The following OPA1 variants were observed in gnomAD, a reference collection of about 807,000 sequenced individuals.
OPA1 encodes the protein dynamin-like GTPase OPA1, mitochondrial.
A neutral mutation model predicts 152.9 loss-of-function variants in OPA1; 59 were observed. That is an observed-to-expected ratio of 0.39 (90% confidence interval 0.31 to 0.48). The LOEUF (loss-of-function observed/expected upper bound fraction) is 0.48. Ranked by LOEUF, OPA1 falls within the 20% of genes least tolerant of loss-of-function variation. The probability of loss-of-function intolerance (pLI) is 0.96; values close to 1 mark genes in which losing one functional copy is unlikely to be tolerated. For synonymous variants in OPA1, 400 were observed against 389.9 expected, an observed-to-expected ratio of 1.03 and a Z score of -0.31; for missense variants, 1,008 against 1,216.8, an observed-to-expected ratio of 0.83 and a Z score of 2.55.
chr3:193,661,858 A>C lies in OPA1; in HGVS notation c.2521-964A>C, dbSNP rs541864542. Among the ~76,000 whole-genome samples the C allele has an allele frequency of 8.5e-5, 13 of 152,346 alleles. No homozygotes were observed. In the South Asian group the frequency reaches 2.7e-3, roughly 32 times the overall value. ...ATCTCAGACTGAATAGTACATGTTT[A>C]AGCAAACAGTGAACTTTCTCTTTAT... On this transcript the variant is annotated intron_variant, in intron 25 of 30. Coordinates refer to ENST00000361510, the MANE Select transcript of OPA1 (RefSeq NM_130837.3).
intron 11 of OPA1, among the ~76,000 whole-genome samples, chr3:193,638,474 GA>G (rs1441915259): frequency 6.6e-6 from 1 of 152,090 alleles, no homozygotes; most frequent in Non-Finnish European, 1.5e-5. Context: ...TTCCTGTTTA[GA>G]AAAAAAGTGC....
intron 21 of OPA1, among the ~76,000 whole-genome samples, chr3:193,649,161 A>G (rs1711779460): frequency 6.6e-6 from 1 of 152,130 alleles, no homozygotes; most frequent in Admixed American, 6.6e-5. Context: ...TTGTCAAATT[A>G]TACTTTAGGT....
At chr3:193,670,491 C>T (rs1717678461) in intron 29 of OPA1, among the ~76,000 whole-genome samples, 1 of 151,830 alleles carries the variant, frequency 6.6e-6, no homozygotes, top group South Asian at 2.1e-4. Context: ...CTCTGCCTCC[C>T]GAGTAGCTGG....
At chr3:193,621,209 A>G (rs1437630271) in intron 6 of OPA1, among the ~76,000 whole-genome samples, 1 of 152,258 alleles carries the variant, frequency 6.6e-6, no homozygotes, top group Non-Finnish European at 1.5e-5. Flanking sequence ...CATTTCTACA[A>G]CTAGAACTAA....
At chr3:193,656,467 A>T (rs1049527357) in intron 22 of OPA1, among the ~76,000 whole-genome samples, 1 of 152,192 alleles carries the variant, frequency 6.6e-6, no homozygotes, top group African/African-American at 2.4e-5. Context: ...CGTTCAGATC[A>T]TTAGGAGTTA....
intron 29 of OPA1, among the ~76,000 whole-genome samples, chr3:193,684,701 T>A (rs1188461005): frequency 6.6e-6 from 1 of 152,068 alleles, no homozygotes; most frequent in Non-Finnish European, 1.5e-5. Context: ...TCCACCCGCC[T>A]CGGCCTCCCA....
chr3:193,645,044 G>A (rs1047238966), intron 16 of OPA1, among the ~76,000 whole-genome samples: 3 of 151,378 alleles, frequency 2.0e-5, no homozygotes, highest in African/African-American at 7.3e-5. Flanking sequence ...TCCTAAAAGA[G>A]TTGAGAAGCA....
In OPA1 at chr3:193,643,995, C is replaced by T. The variant is rs886043340; in HGVS notation, c.1498C>T (p.Arg500Cys). 3.7e-6 allele frequency: 6 copies of T among 1,613,352 alleles called. No individual in the cohort carries two copies. Among genetic ancestry groups the T allele is most frequent in the Non-Finnish European group, 5.1e-6 (6 of 1,179,718 alleles). ...TTCAGATGGATCTGTGGATGCTGAA[C>T]GCAGTATTGTTACAGACTTGGTCAG... The part of the protein sequence containing the change: ...CIQDGSVDAE[R>C]SIVTDLVSQM... Residue 500 changes from arginine (R) to cysteine (C), a missense_variant, in exon 16 of 31, where the codon CGC (arginine) becomes TGC (cysteine). Arg to Cys is a radical substitution (Grantham distance 180). This residue lies in a region of OPA1 where 213 missense variants were observed against 291.4 expected (regional missense o/e 0.73). Coordinates refer to ENST00000361510, the MANE Select transcript of OPA1 (RefSeq NM_130837.3).
chr3:193,646,799 ATTAAAT>A (rs1273407539), intron 18 of OPA1, among the ~76,000 whole-genome samples: 1 of 152,142 alleles, frequency 6.6e-6, no homozygotes, highest in Non-Finnish European at 1.5e-5. Context: ...AAAATATAAC[ATTAAAT>A]TTAAATTAGT....
intron 21 of OPA1, among the ~76,000 whole-genome samples, chr3:193,654,547 C>A (rs1055099237): frequency 6.6e-6 from 1 of 151,580 alleles, no homozygotes; most frequent in South Asian, 2.1e-4. Context: ...CATGATGAAC[C>A]TCAAAATAAT....
intron 29 of OPA1, among the ~76,000 whole-genome samples, chr3:193,670,978 A>G (rs980928181): frequency 2.0e-5 from 3 of 152,174 alleles, no homozygotes. Flanking sequence ...AGGAGGCTCC[A>G]ACTGGCCAGG....
chr3:193,681,830 A>T (rs1720184669), intron 29 of OPA1, among the ~76,000 whole-genome samples: 1 of 152,204 alleles, frequency 6.6e-6, no homozygotes, highest in Non-Finnish European at 1.5e-5. Flanking sequence ...AAACGTGTGT[A>T]TTCTGGCTGT....
chr3:193,610,084 T>C (rs1158596881), intron 1 of OPA1, among the ~76,000 whole-genome samples: 1 of 152,266 alleles, frequency 6.6e-6, no homozygotes, highest in Non-Finnish European at 1.5e-5. Flanking sequence ...GGTGAGGAGC[T>C]GCATTCCTTT....
chr3:193,626,142 A>G lies in OPA1; in HGVS notation c.729A>G (p.Glu243=). Residue 243 remains glutamate, a synonymous_variant, in exon 7 of 31, where the codon GAA becomes GAG. Coordinates refer to ENST00000361510, the MANE Select transcript of OPA1 (RefSeq NM_130837.3). ...TACAACAACAAATTCAAGAGCATGA[A>G]GAGGAAGCGCGCAGAGCCGCTGGCC... ...ILLQQQIQEH[E]EEARRAAGQY... is the part of the protein sequence containing the mutation. 1.2e-6 allele frequency: 2 copies of G among 1,614,150 alleles called. No homozygotes were observed. Among genetic ancestry groups the G allele is most frequent in the Non-Finnish European group, 1.7e-6 (2 of 1,180,012 alleles).
chr3:193,658,478 T>A (rs1180362777), intron 23 of OPA1, among the ~76,000 whole-genome samples: 1 of 152,140 alleles, frequency 6.6e-6, no homozygotes, highest in African/African-American at 2.4e-5. Context: ...ATAATTTTTT[T>A]CTCCTCATTT....
chr3:193,678,391 C>A (rs1338342464), intron 29 of OPA1, among the ~76,000 whole-genome samples: 2 of 151,688 alleles, frequency 1.3e-5, no homozygotes, highest in African/African-American at 4.8e-5. Context: ...CTATAGATGG[C>A]AAAATTTTAA....
chr3:193,616,311 GT>G (rs374958254), intron 3 of OPA1, among the ~76,000 whole-genome samples: 1 of 152,078 alleles, frequency 6.6e-6, no homozygotes, highest in Admixed American at 6.5e-5. Context: ...CCTGGCTTGA[GT>G]TTTTTTCTTT....
At chr3:193,673,160 T>A (rs1248179698) in intron 29 of OPA1, among the ~76,000 whole-genome samples, 1 of 152,204 alleles carries the variant, frequency 6.6e-6, no homozygotes, top group Non-Finnish European at 1.5e-5. Context: ...GTCTTTTCAC[T>A]ACTGTGCCAG....
chr3:193,666,581 A>G (rs1483671988), intron 28 of OPA1, among the ~76,000 whole-genome samples, 192 bp downstream of exon 28: 1 of 152,186 alleles, frequency 6.6e-6, no homozygotes, highest in Non-Finnish European at 1.5e-5. Flanking sequence ...TGAGGCCTGT[A>G]GTTTGAGACC....
Sources: allele counts gnomAD v4.1 joint callset (sites outside exome capture counted in the v4.1 genomes callset), GRCh38; gene constraint gnomAD v4.1.1; regional missense constraint gnomAD v4.1.1; transcripts MANE v1.5; gene names NCBI Gene and HGNC (gene_info 2026-07-23, HGNC 2026-07-21).